The following ZNF282 variants were observed in gnomAD, a reference collection of about 807,000 sequenced individuals.
ZNF282 encodes zinc finger protein 282.
Under a neutral mutation model 61.9 loss-of-function variants are expected in ZNF282, and 30 were observed. The ratio of observed to expected loss-of-function variants is 0.48; its 90% CI spans 0.36 to 0.66. The LOEUF is 0.66. ZNF282 is among the 30% of genes least tolerant of loss of function. ZNF282 has a pLI of 0.00. For missense variants in ZNF282, 788 were observed against 941.4 expected, an observed-to-expected ratio of 0.84 and a Z score of 2.13; for synonymous variants, 396 against 405.0, an observed-to-expected ratio of 0.98 and a Z score of 0.27.
chr7:149,217,438 C>G (rs1796174602), intron 7 of ZNF282, among the ~76,000 whole-genome samples: 2 of 152,108 alleles, frequency 1.3e-5, no homozygotes, highest in South Asian at 4.1e-4. Flanking sequence ...GTGGTGGGCA[C>G]CTGTAACTCC....
chr7:149,209,550 A>C (rs1796049189), intron 4 of ZNF282, among the ~76,000 whole-genome samples: 1 of 152,184 alleles, frequency 6.6e-6, no homozygotes, highest in African/African-American at 2.4e-5. Context: ...GAAGCACTGT[A>C]ATCTCAACAG....
At chr7:149,197,869 C>T (rs1202344709) in intron 1 of ZNF282, among the ~76,000 whole-genome samples, 1 of 152,228 alleles carries the variant, frequency 6.6e-6, no homozygotes, top group Non-Finnish European at 1.5e-5. Context: ...GCTTCAGTTT[C>T]ATCATCTTTA....
intron 4 of ZNF282, among the ~76,000 whole-genome samples, chr7:149,207,975 G>A (rs12704073): frequency 0.53 from 79,988 of 152,024 alleles, 24,417 homozygotes; most frequent in East Asian, 0.93. Flanking sequence ...TGAGGAAATC[G>A]GGCCCCCCGA....
rs188914670 is a variant in ZNF282 at position 149,203,225 on chromosome 7, G to A, written c.586-3471G>A. Among the ~76,000 whole-genome samples, 8 of 152,334 alleles carry A rather than the reference G, an allele frequency of 5.3e-5. No individual in the cohort carries two copies. In the East Asian group the frequency reaches 5.8e-4, roughly 11 times the overall value. On this transcript the variant is annotated intron_variant, in intron 2 of 7. Transcript: ENST00000610704. ...GCATATCCTTGTGTGGCACTGTGGCGTGTTCTGTGCGCTGCATTAGGCATT... is the reference window on the plus strand; with the variant it reads ...GCATATCCTTGTGTGGCACTGTGGCATGTTCTGTGCGCTGCATTAGGCATT...
In ZNF282 at chr7:149,224,538, G is replaced by T; in HGVS notation, c.1907G>T (p.Gly636Val). ...CGCCCCTACACGTGCGGCGAGTGCG[G>T]CAAGAGCTTCCGCTACAAGGAGTCG... is the stretch of plus-strand genomic sequence containing the variant. ...GERPYTCGEC[G>V]KSFRYKESLK... Residue 636 changes from glycine to valine, a missense_variant, in exon 8 of 8, where the codon GGC becomes GTC. Gly to Val is a moderately radical substitution (Grantham distance 109, BLOSUM62 -3). Coordinates refer to ENST00000610704, the MANE Select transcript of ZNF282 (RefSeq NM_003575.4). The T allele has an allele frequency of 6.2e-7, 1 of 1,610,798 alleles. No individual in the cohort carries two copies.
At chr7:149,218,223 T>G (rs1173895917) in intron 7 of ZNF282, among the ~76,000 whole-genome samples, 2 of 152,066 alleles carry the variant, frequency 1.3e-5, no homozygotes, top group African/African-American at 4.8e-5. Flanking sequence ...GAGCCATGTC[T>G]GAGGCTCATG....
intron 2 of ZNF282, among the ~76,000 whole-genome samples, chr7:149,202,354 C>T (rs532323089): frequency 6.6e-6 from 1 of 151,590 alleles, no homozygotes; most frequent in Non-Finnish European, 1.5e-5. Context: ...CTCTATTGCC[C>T]AAGCTGGAGT....
At chr7:149,212,920 A>G (rs1412163631) in intron 6 of ZNF282, among the ~76,000 whole-genome samples, 6 of 152,224 alleles carry the variant, frequency 3.9e-5, no homozygotes, top group Non-Finnish European at 8.8e-5. Flanking sequence ...ACAACCAAAA[A>G]GCATCTAAAA....
intron 7 of ZNF282, among the ~76,000 whole-genome samples, chr7:149,216,710 G>C (rs1435288639): frequency 6.6e-6 from 1 of 152,170 alleles, no homozygotes; most frequent in Non-Finnish European, 1.5e-5. Context: ...GAGGGGAGAA[G>C]AGTCAGGGTA....
At position 149,225,792 on chromosome 7, in the gene ZNF282, AC is replaced by A. The variant is rs1441328561; in HGVS notation, c.*1148del. The A allele has an allele frequency of 6.6e-6, 1 of 152,490 alleles. No individual in the cohort carries two copies. Among genetic ancestry groups the A allele is most frequent in the Non-Finnish European group, 1.5e-5 (1 of 68,062 alleles). 9.4% of individuals were successfully genotyped at this position (152,490 alleles called of 1,614,324 possible). On this transcript the variant is annotated 3_prime_UTR_variant, in exon 8 of 8. Coordinates refer to ENST00000610704, the MANE Select transcript of ZNF282 (RefSeq NM_003575.4). Reference sequence around the variant, plus strand: ...CCCGTGCTCACGGACATGGATACAGACCCTGCTGTGCTCCACACCCTGCAGG... The same window carrying A: ...CCCGTGCTCACGGACATGGATACAGACCTGCTGTGCTCCACACCCTGCAGG...
chr7:149,210,478 C>A, intron 4 of ZNF282, 107 bp from the exon 5 acceptor site: 1 of 1,538,610 alleles, frequency 6.5e-7, no homozygotes. Context: ...TGGTGACCAG[C>A]ATGCAGAAAA....
Position 149,206,785 on chromosome 7 carries a change from C to T in ZNF282, c.675C>T (p.Asn225=). The change falls in exon 3 of 8, where the codon AAC becomes AAT. Residue 225 remains asparagine, a synonymous_variant. Coordinates refer to ENST00000610704, the MANE Select transcript of ZNF282 (RefSeq NM_003575.4). ...AATGGCAGAAGGAGCTTTATAACAA[C>T]CTTGTTAAGGAGAACTACAAAACCC... ...LDEWQKELYN[N]LVKENYKTLM... is the part of the protein sequence containing the mutation. The T allele has an allele frequency of 6.2e-7, 1 of 1,614,154 alleles. No homozygotes were observed. Among genetic ancestry groups the T allele is most frequent in the African/African-American group, 1.3e-5 (1 of 75,022 alleles).
chr7:149,202,504 C>T (rs553502546), intron 2 of ZNF282, among the ~76,000 whole-genome samples: 27 of 151,824 alleles, frequency 1.8e-4, no homozygotes, highest in East Asian at 5.8e-4. Flanking sequence ...TTAGTAGAGA[C>T]GGGGTTTCAC....
At chr7:149,200,569 C>T (rs1795891841) in intron 2 of ZNF282, among the ~76,000 whole-genome samples, 1 of 152,064 alleles carries the variant, frequency 6.6e-6, no homozygotes, top group Non-Finnish European at 1.5e-5. Flanking sequence ...ATGACTGCAT[C>T]CCGTCTCACA....
At chr7:149,207,302 G>T (rs201537018) in intron 3 of ZNF282, 49 bp from the exon 4 acceptor site, 2 of 1,560,948 alleles carry the variant, frequency 1.3e-6, no homozygotes, top group African/African-American at 2.7e-5. Flanking sequence ...CTTGCTGGAT[G>T]CGTTGGTCAA....
chr7:149,212,074 G>C (rs1299212899), intron 5 of ZNF282, among the ~76,000 whole-genome samples: 1 of 152,166 alleles, frequency 6.6e-6, no homozygotes, highest in Non-Finnish European at 1.5e-5. Flanking sequence ...CTCAGCACCA[G>C]AATGGGAACC....
intron 2 of ZNF282, among the ~76,000 whole-genome samples, chr7:149,203,013 A>T (rs927064908): frequency 6.6e-6 from 1 of 152,098 alleles, no homozygotes; most frequent in Non-Finnish European, 1.5e-5. Flanking sequence ...GAGTTGTTTG[A>T]CGTTACTCAT....
rs1446406443 is a variant in ZNF282, at chr7:149,224,056, CGGGGGCGATGGGGGCGGT to C, written c.1433_1450del (p.Asp478_Gly483del). 6.1e-5 allele frequency: 57 copies of C among 934,462 alleles called. No homozygotes were observed. The highest frequency in any genetic ancestry group is 4.1e-4 in the Middle Eastern group (1 of 2,412). The allele number at this position is 934,462 out of a possible 1,614,324, so 57.9% of individuals were successfully genotyped here. On this transcript the variant is annotated inframe_deletion, in exon 8 of 8. Transcript: ENST00000610704. ...GTGGGGACCGCAGCACCGGGGGCGG[CGGGGGCGATGGGGGCGGT>C]GGGGGCGGCGGCGCGGAGGCGGGGA...
At chr7:149,204,974 A>C (rs777591774) in intron 2 of ZNF282, among the ~76,000 whole-genome samples, 4 of 152,062 alleles carry the variant, frequency 2.6e-5, no homozygotes, top group East Asian at 1.9e-4. Context: ...ACAACAACAA[A>C]AAAATTAGCC....
Sources: gnomAD v4.1 joint callset for allele counts (sites outside exome capture counted in the v4.1 genomes callset) on GRCh38, gnomAD v4.1.1 for gene constraint, MANE v1.5 for transcripts, NCBI Gene and HGNC (gene_info 2026-07-23, HGNC 2026-07-21) for gene names.